CELSR2: variants seen among roughly 807,000 people sequenced by gnomAD.
CELSR2 encodes EGF-like protein 2.
CELSR2 carries 81 observed loss-of-function variants against 251.6 expected under a neutral mutation model. The observed-to-expected ratio is 0.32, with a 90% CI of 0.27 to 0.39. CELSR2 has a LOEUF of 0.39. Ranked by LOEUF, CELSR2 falls within the 10% of genes least tolerant of loss-of-function variation. The pLI is 1.00. For missense variants in CELSR2, 3,365 were observed against 3,947.7 expected (o/e 0.85, Z 3.96); for synonymous variants, 1,721 against 1,670.5 (o/e 1.03, Z -0.74).
At chr1:109,253,663 G>A (rs369429241) in intron 1 of CELSR2, among the ~76,000 whole-genome samples, 23 of 152,354 alleles carry the variant, frequency 1.5e-4, no homozygotes, top group African/African-American at 4.6e-4. Flanking sequence ...GGGAAGTGTT[G>A]TGAGGCTGCC....
chr1:109,261,931 G>C lies in CELSR2; in HGVS notation c.4386+35G>C. On this transcript the variant is annotated intron_variant, in intron 5 of 33. Transcript: ENST00000271332. The surrounding 1 kb of genome is among the most constrained non-coding windows in gnomAD (Gnocchi z 4.8). ...GAGGGCACAGAGGGTTGGGGGTTCT[G>C]TTCTTGCCTCAGGTGCTTACCCAGC... 6.5e-7 allele frequency: 1 copy of C among 1,548,438 alleles called. No individual in the cohort carries two copies. The highest frequency in any genetic ancestry group is 2.4e-5 in the East Asian group (1 of 41,082).
At chr1:109,273,951 T>G in intron 33 of CELSR2, 71 bp from the exon 34 acceptor site, 1 of 1,575,424 alleles carries the variant, frequency 6.3e-7, no homozygotes, top group Non-Finnish European at 8.7e-7. Flanking sequence ...GGTGAAAGCT[T>G]TCACTCTCTC....
In CELSR2 at chr1:109,270,288, C is replaced by T. The variant is rs942155825; in HGVS notation, c.7309-138C>T. ...TCCTCTTCTGTGGCTCCCCCGGGAT[C>T]CCCCAGCACCTGCCTCTGGCCCAGG... On this transcript the variant is annotated intron_variant, in intron 23 of 33. Coordinates refer to ENST00000271332, the MANE Select transcript of CELSR2 (RefSeq NM_001408.3). 4.8e-6 allele frequency: 6 copies of T among 1,259,222 alleles called. No individual in the cohort carries two copies. The African/African-American group carries it at 8.9e-5, about 19-fold the overall frequency. The allele number at this position is 1,259,222 out of a possible 1,614,324, so 78.0% of individuals were successfully genotyped here. A position where few individuals can be genotyped will look rare whatever the true frequency, so the allele number is the denominator to read the frequency against.
chr1:109,263,745 A>G lies in CELSR2; in HGVS notation c.4969A>G (p.Ile1657Val). The G allele has an allele frequency of 6.2e-7, 1 of 1,613,696 alleles. No homozygotes were observed. The highest frequency in any genetic ancestry group is 1.1e-5 in the South Asian group (1 of 91,076). The stretch of plus-strand genomic sequence containing the variant: ...GGCCGACGGTGTCCTGCTGCAGGCC[A>G]TCACCAGGGGGCGCAGCACCATCAC... Reference protein sequence around the residue: ...RQADGVLLQAITRGRSTITLQ... With the variant: ...RQADGVLLQAVTRGRSTITLQ... The change falls in exon 9 of 34, where the codon ATC becomes GTC. Residue 1657 changes from isoleucine (I) to valine (V), a missense_variant. This residue lies in a region of CELSR2 where 2,093 missense variants were observed against 2,382.8 expected (regional missense o/e 0.88). Coordinates refer to ENST00000271332, the MANE Select transcript of CELSR2 (RefSeq NM_001408.3).
At chr1:109,265,409 G>A (rs1360005825) in intron 13 of CELSR2, 98 bp downstream of exon 13, 81 of 1,334,394 alleles carry the variant, frequency 6.1e-5, no homozygotes, top group Non-Finnish European at 8.2e-5. Context: ...TCTTCCTGTA[G>A]AGCTGAGGGC....
At chr1:109,265,690 G>A (rs1171297934) in intron 13 of CELSR2, 45 bp from the exon 14 acceptor site, 3 of 1,582,038 alleles carry the variant, frequency 1.9e-6, no homozygotes, top group Non-Finnish European at 2.6e-6. Flanking sequence ...GAGCATCCTG[G>A]GAAGAGAGCC....
rs201877871 is a variant in CELSR2 at position 109,250,405 on chromosome 1, G to C, written c.326G>C (p.Gly109Ala). ...AHIPLPPAPEGCPWSCRLLGI... is the reference protein window; with the variant it reads ...AHIPLPPAPEACPWSCRLLGI... ...ATTCCCCTACCACCAGCTCCTGAAGGCTGCCCCTGGAGCTGTCGCCTCCTG... is the reference window on the plus strand; with the variant it reads ...ATTCCCCTACCACCAGCTCCTGAAGCCTGCCCCTGGAGCTGTCGCCTCCTG... Residue 109 changes from glycine (G) to alanine (A), a missense_variant, in exon 1 of 34, where the codon GGC becomes GCC. Coordinates refer to ENST00000271332, the MANE Select transcript of CELSR2 (RefSeq NM_001408.3). The surrounding 1 kb of genome is among the most constrained non-coding windows in gnomAD (Gnocchi z 4.4). 3 of 1,613,572 alleles carry C rather than the reference G, an allele frequency of 1.9e-6. No homozygotes were observed. The African/African-American group carries it at 4.0e-5, about 21-fold the overall frequency.
At chr1:109,272,576 G>GGAGAGACT in intron 29 of CELSR2, 64 bp from the exon 30 acceptor site, 1 of 1,522,950 alleles carries the variant, frequency 6.6e-7, no homozygotes, top group Non-Finnish European at 9.1e-7. Context: ...CCAGGGGAGA[G>GGAGAGACT]GAGAGACTGG....
At position 109,253,192 on chromosome 1, in the gene CELSR2, C is replaced by T; in HGVS notation, c.3113C>T (p.Ser1038Leu). 6.2e-7 allele frequency: 1 copy of T among 1,613,644 alleles called. No individual in the cohort carries two copies. Among genetic ancestry groups the T allele is most frequent in the Non-Finnish European group, 8.5e-7 (1 of 1,180,048 alleles). ...ILFNNYVTNR[S>L]SSFPGGAIGR... The stretch of plus-strand genomic sequence containing the variant: ...TTCAACAACTATGTCACCAATCGCT[C>T]AAGCAGCTTCCCTGGGGGTGCCATT... Residue 1038 changes from serine (S) to leucine (L), a missense_variant, in exon 1 of 34, where the codon TCA becomes TTA. Physicochemically the swap from Ser to Leu is moderately radical, Grantham distance 145. Around this residue, in one of 5 missense-constraint regions of CELSR2, gnomAD observed 505 missense variants for 660.0 expected, o/e 0.77. Coordinates refer to ENST00000271332, the MANE Select transcript of CELSR2 (RefSeq NM_001408.3).
chr1:109,259,665 A>G (rs1655965155), intron 2 of CELSR2, among the ~76,000 whole-genome samples: 1 of 152,140 alleles, frequency 6.6e-6, no homozygotes, highest in African/African-American at 2.4e-5. Flanking sequence ...CTCCCCAGGC[A>G]TTAAGGGGAA....
At chr1:109,256,251 A>G (rs1258099761) in intron 1 of CELSR2, among the ~76,000 whole-genome samples, 2 of 152,174 alleles carry the variant, frequency 1.3e-5, no homozygotes, top group African/African-American at 4.8e-5. Context: ...AGGGCAGGTT[A>G]GAAGACTCAG....
intron 2 of CELSR2, 83 bp from the exon 3 acceptor site, chr1:109,260,959 G>A (rs892945988): frequency 9.5e-6 from 10 of 1,050,328 alleles, no homozygotes; most frequent in African/African-American, 1.6e-5. Context: ...GAGGCCATGG[G>A]AGCTATCACT....
At chr1:109,273,693 GAC>G in intron 33 of CELSR2, 23 bp downstream of exon 33, 2 of 751,808 alleles carry the variant, frequency 2.7e-6, no homozygotes, top group Non-Finnish European at 4.2e-6. Flanking sequence ...GGGTGGGCGG[GAC>G]GGGGTGCAGC....
In CELSR2 at chr1:109,253,221, C is replaced by T. The variant is rs775244724; in HGVS notation, c.3142C>T (p.Arg1048Ter). The change falls in exon 1 of 34, where the codon CGA becomes TGA. Residue 1048 changes from arginine to a stop codon, truncating the protein, a stop_gained. Coordinates refer to ENST00000271332, the MANE Select transcript of CELSR2 (RefSeq NM_001408.3). LOFTEE classifies it high-confidence loss of function. ...SSSFPGGAIG[R>*]VPAHDPDISD... ...CAGCTTCCCTGGGGGTGCCATTGGCCGAGTACCTGCCCATGACCCTGATAT... is the reference window on the plus strand; with the variant it reads ...CAGCTTCCCTGGGGGTGCCATTGGCTGAGTACCTGCCCATGACCCTGATAT... 6.2e-7 allele frequency: 1 copy of T among 1,613,470 alleles called. No homozygotes were observed. The highest frequency in any genetic ancestry group is 8.5e-7 in the Non-Finnish European group (1 of 1,180,038).
intron 17 of CELSR2, 104 bp downstream of exon 17, chr1:109,268,164 A>G: frequency 6.9e-7 from 1 of 1,459,722 alleles, no homozygotes; most frequent in Non-Finnish European, 9.1e-7. Context: ...CATCCCACCT[A>G]CAAGGAGCTC....
chr1:109,250,345 G>T lies in CELSR2; in HGVS notation c.266G>T (p.Gly89Val), dbSNP rs1655647462. 1.2e-6 allele frequency: 2 copies of T among 1,613,526 alleles called. No individual in the cohort carries two copies. The highest frequency in any genetic ancestry group is 1.7e-6 in the Non-Finnish European group (2 of 1,180,034). Residue 89 changes from glycine to valine, a missense_variant, in exon 1 of 34, where the codon GGC becomes GTC. Transcript: ENST00000271332. The surrounding 1 kb of genome is among the most constrained non-coding windows in gnomAD (Gnocchi z 4.4). Reference sequence around the variant, plus strand: ...GGCCACCTGGTACCCCACCACGATGGCCTGAGGGTTTGGTGTCCAGAATCC... The same window carrying T: ...GGCCACCTGGTACCCCACCACGATGTCCTGAGGGTTTGGTGTCCAGAATCC... ...LTGHLVPHHD[G>V]LRVWCPESEA...
rs753692372 is a variant in CELSR2 at position 109,264,133 on chromosome 1, C to T, written c.5057C>T (p.Ser1686Phe). 3.1e-6 allele frequency: 5 copies of T among 1,604,920 alleles called. No individual in the cohort carries two copies. The highest frequency in any genetic ancestry group is 4.3e-6 in the Non-Finnish European group (5 of 1,173,148). The change falls in exon 10 of 34, where the codon TCT becomes TTT. Residue 1686 changes from serine to phenylalanine, a missense_variant. Coordinates refer to ENST00000271332, the MANE Select transcript of CELSR2 (RefSeq NM_001408.3). The stretch of plus-strand genomic sequence containing the variant: ...GAGGGCACAGGGCTTCAGGCCTCCT[C>T]TCTCCGTCTGGAGCCAGGCCGGGCC... ...SVEGTGLQAS[S>F]LRLEPGRAND...
Position 109,253,214 on chromosome 1 carries a change from C to T in CELSR2, c.3135C>T (p.Ala1045=). The change falls in exon 1 of 34, where the codon GCC becomes GCT. Residue 1045 remains alanine, a synonymous_variant. Coordinates refer to ENST00000271332, the MANE Select transcript of CELSR2 (RefSeq NM_001408.3). The part of the protein sequence containing the change: ...TNRSSSFPGG[A]IGRVPAHDPD... ...GCTCAAGCAGCTTCCCTGGGGGTGC[C>T]ATTGGCCGAGTACCTGCCCATGACC... 1 of 1,613,536 alleles carries T rather than the reference C, an allele frequency of 6.2e-7. No homozygotes were observed. The highest frequency in any genetic ancestry group is 8.5e-7 in the Non-Finnish European group (1 of 1,180,054).
intron 1 of CELSR2, among the ~76,000 whole-genome samples, chr1:109,256,319 G>A (rs1448786204): frequency 5.3e-5 from 8 of 152,170 alleles, no homozygotes; most frequent in Non-Finnish European, 1.5e-5. Flanking sequence ...GCTTTGAGAC[G>A]AGAGCAGGAG....
Sources: gnomAD v4.1 joint callset for allele counts (sites outside exome capture counted in the v4.1 genomes callset) on GRCh38, gnomAD v4.1.1 for gene constraint, gnomAD v4.1.1 regional missense constraint, Gnocchi (gnomAD v3.1) non-coding constraint, MANE v1.5 for transcripts, NCBI Gene and HGNC (gene_info 2026-07-23, HGNC 2026-07-21) for gene names.